The following RAP1GAP2 variants were observed in gnomAD, a reference collection of about 807,000 sequenced individuals.
The protein encoded by RAP1GAP2 is rap1 GTPase-activating protein 2.
In RAP1GAP2, 27 loss-of-function variants were observed where a neutral mutation model predicts 95.0. The observed-to-expected ratio is 0.28, with a 90% CI of 0.21 to 0.39. RAP1GAP2 has a LOEUF of 0.39. Among genes scored for constraint, RAP1GAP2 ranks in the 10% least tolerant of loss-of-function variants. The pLI is 1.00. For missense variants in RAP1GAP2, 771 were observed against 970.0 expected (o/e 0.79, Z 2.72); for synonymous variants, 373 against 380.9 (o/e 0.98, Z 0.24).
At chr17:2,834,941 A>G (rs1182991862) in intron 2 of RAP1GAP2, among the ~76,000 whole-genome samples, 2 of 152,108 alleles carry the variant, frequency 1.3e-5, no homozygotes, top group Non-Finnish European at 2.9e-5. Context: ...ATTTTTTGAG[A>G]TGGAGTCTCG....
At chr17:3,011,763 G>GT (rs1432081535) in intron 17 of RAP1GAP2, among the ~76,000 whole-genome samples, 1 of 151,888 alleles carries the variant, frequency 6.6e-6, no homozygotes, top group Non-Finnish European at 1.5e-5. Context: ...GGGATTACAG[G>GT]TGCCCGCCAC....
intron 1 of RAP1GAP2, chr17:2,770,190 C>G: frequency 2.6e-6 from 1 of 387,704 alleles, no homozygotes; most frequent in Non-Finnish European, 4.5e-6. Flanking sequence ...CCTCTGGAAA[C>G]AGGGCTTTCT....
rs756128849 is a variant in RAP1GAP2, at chr17:2,839,900, G to A, written c.80+39350G>A. Among the ~76,000 whole-genome samples, 4 of 152,142 alleles carry A rather than the reference G, an allele frequency of 2.6e-5. No individual in the cohort carries two copies. The South Asian group carries it at 6.2e-4, about 24-fold the overall frequency. Reference sequence around the variant, plus strand: ...TGCAACCTCCGCCTCCTGGGTTCAAGTGATTCTCCTGCCTCAGCCTCCGGA... The same window carrying A: ...TGCAACCTCCGCCTCCTGGGTTCAAATGATTCTCCTGCCTCAGCCTCCGGA... On this transcript the variant is annotated intron_variant, in intron 2 of 24. Coordinates refer to ENST00000254695, the MANE Select transcript of RAP1GAP2 (RefSeq NM_015085.5).
intron 3 of RAP1GAP2, among the ~76,000 whole-genome samples, chr17:2,946,637 C>T (rs1013874907): frequency 6.6e-6 from 1 of 152,202 alleles, no homozygotes; most frequent in Admixed American, 6.6e-5. Flanking sequence ...ATGGTCCCTC[C>T]CACACAGCAG....
intron 1 of RAP1GAP2, among the ~76,000 whole-genome samples, chr17:2,761,248 C>G (rs893110103): frequency 6.7e-6 from 1 of 149,778 alleles, no homozygotes; most frequent in Non-Finnish European, 1.5e-5. Context: ...AGCCACTGAG[C>G]CTGGCCGGTG....
In RAP1GAP2 at chr17:3,032,434, C is replaced by T. The variant is rs1422255484; in HGVS notation, c.*15C>T. Reference sequence around the variant, plus strand: ...AGGGTCACTAATGTGAAAGTGGAGTCCTTCGCCTGTCCAAGGTGGGTTGAG... The same window carrying T: ...AGGGTCACTAATGTGAAAGTGGAGTTCTTCGCCTGTCCAAGGTGGGTTGAG... On this transcript the variant is annotated 3_prime_UTR_variant, in exon 24 of 25. Coordinates refer to ENST00000254695, the MANE Select transcript of RAP1GAP2 (RefSeq NM_015085.5). 5 of 1,613,710 alleles carry T rather than the reference C, an allele frequency of 3.1e-6. No individual in the cohort carries two copies. Among genetic ancestry groups the T allele is most frequent in the African/African-American group, 1.3e-5 (1 of 74,920 alleles).
intron 2 of RAP1GAP2, among the ~76,000 whole-genome samples, chr17:2,829,022 G>A (rs1597387791): frequency 1.8e-5 from 2 of 114,176 alleles, no homozygotes; most frequent in African/African-American, 3.5e-5. Context: ...TCGCTCTGTC[G>A]CCCAGGCTGG....
At chr17:2,847,404 C>G (rs2071635409) in intron 2 of RAP1GAP2, among the ~76,000 whole-genome samples, 1 of 150,794 alleles carries the variant, frequency 6.6e-6, no homozygotes, top group African/African-American at 2.4e-5. Context: ...AGGAAGCAAA[C>G]AAAAAGTCTT....
intron 21 of RAP1GAP2, among the ~76,000 whole-genome samples, 192 bp downstream of exon 21, chr17:3,026,656 C>A (rs35984185): frequency 0.066 from 10,059 of 152,310 alleles, 363 homozygotes; most frequent in Non-Finnish European, 0.08. Context: ...ACCTCTCTCT[C>A]AGAGTGACAT....
At position 3,027,178 on chromosome 17, in the gene RAP1GAP2, C is replaced by T. The variant is rs1236001580; in HGVS notation, c.2107+108C>T. On this transcript the variant is annotated intron_variant, in intron 22 of 24. Transcript: ENST00000254695. The surrounding 1 kb of genome is among the most constrained non-coding windows in gnomAD (Gnocchi z 5.2). ...CTGAACTGGCCAGTTTTCACCCCTCCTCCCAGCTGTGAGGCCCTCCGCTCT... is the reference window on the plus strand; with the variant it reads ...CTGAACTGGCCAGTTTTCACCCCTCTTCCCAGCTGTGAGGCCCTCCGCTCT... 3.6e-6 allele frequency: 5 copies of T among 1,389,070 alleles called. No individual in the cohort carries two copies. The South Asian group carries it at 7.5e-5, about 21-fold the overall frequency. 86.0% of individuals were successfully genotyped at this position (1,389,070 alleles called of 1,614,324 possible).
At chr17:3,028,167 CAG>C (rs2047185907) in intron 22 of RAP1GAP2, among the ~76,000 whole-genome samples, 1 of 151,964 alleles carries the variant, frequency 6.6e-6, no homozygotes, top group South Asian at 2.1e-4. Flanking sequence ...GTGTCTGCCT[CAG>C]AGGGTTGGTT....
chr17:3,013,597 A>G (rs1272031743), intron 17 of RAP1GAP2, among the ~76,000 whole-genome samples: 1 of 145,454 alleles, frequency 6.9e-6, no homozygotes, highest in East Asian at 2.0e-4. Flanking sequence ...GTCCTCCCTG[A>G]CACCAGCCTC....
chr17:2,899,657 T>C (rs2041960132), intron 2 of RAP1GAP2, among the ~76,000 whole-genome samples: 1 of 152,036 alleles, frequency 6.6e-6, no homozygotes, highest in Non-Finnish European at 1.5e-5. Context: ...ACTACAGACA[T>C]GCGCCATCAT....
Position 2,877,519 on chromosome 17 carries a change from G to A in RAP1GAP2, c.81-27765G>A, listed in dbSNP as rs1452246942. On this transcript the variant is annotated intron_variant, in intron 2 of 24. Coordinates refer to ENST00000254695, the MANE Select transcript of RAP1GAP2 (RefSeq NM_015085.5). ...TCCCAGCACTTTGGGAGGCCAAAGC[G>A]CGTGGATCACCTGAGGTCAGGAGTT... Among the ~76,000 whole-genome samples, 6 of 152,182 alleles carry A rather than the reference G, an allele frequency of 3.9e-5. No homozygotes were observed. In the South Asian group the frequency reaches 6.2e-4, roughly 16 times the overall value.
At chr17:2,988,437 A>G (rs943527682) in intron 11 of RAP1GAP2, among the ~76,000 whole-genome samples, 3 of 152,182 alleles carry the variant, frequency 2.0e-5, no homozygotes, top group Non-Finnish European at 2.9e-5. Flanking sequence ...CTTCTAAAAC[A>G]TTGTTATTTC....
Position 2,868,005 on chromosome 17 carries a change from G to A in RAP1GAP2, c.81-37279G>A, listed in dbSNP as rs151281214. Among the ~76,000 whole-genome samples the A allele has an allele frequency of 9.8e-5, 15 of 152,306 alleles. No individual in the cohort carries two copies. The Middle Eastern group carries it at 0.01, about 104-fold the overall frequency. On this transcript the variant is annotated intron_variant, in intron 2 of 24. Transcript: ENST00000254695. The stretch of plus-strand genomic sequence containing the variant: ...CTCTGAGTCCATTCTGAACATCAAA[G>A]CATTCAGCCTGTGACCGCGCTGGAC...
intron 1 of RAP1GAP2, among the ~76,000 whole-genome samples, chr17:2,765,938 CA>C (rs916276396): frequency 1.7e-3 from 255 of 152,210 alleles, no homozygotes; most frequent in African/African-American, 5.9e-3. Flanking sequence ...CACTGCACTC[CA>C]GCCTGGGTGA....
chr17:2,950,425 A>G (rs2043877329), intron 3 of RAP1GAP2, among the ~76,000 whole-genome samples: 1 of 151,944 alleles, frequency 6.6e-6, no homozygotes, highest in African/African-American at 2.4e-5. Flanking sequence ...AGTATCTTGA[A>G]GCTGCTAGCC....
chr17:2,909,179 C>T (rs1366432014), intron 3 of RAP1GAP2, among the ~76,000 whole-genome samples: 1 of 151,868 alleles, frequency 6.6e-6, no homozygotes, highest in Admixed American at 6.6e-5. Context: ...GGCGGCACCT[C>T]GAGGTGGTGC....
Sources: allele counts gnomAD v4.1 joint callset (sites outside exome capture counted in the v4.1 genomes callset), GRCh38; gene constraint gnomAD v4.1.1; non-coding constraint Gnocchi (gnomAD v3.1); transcripts MANE v1.5; gene names NCBI Gene and HGNC (gene_info 2026-07-23, HGNC 2026-07-21).